Variants in PKN2 observed in about 807,000 individuals in gnomAD.
PKN2 encodes protein kinase N2.
Under a neutral mutation model 119.1 loss-of-function variants are expected in PKN2, and 38 were observed. The observed-to-expected ratio is 0.32, with a 90% CI of 0.25 to 0.42. The LOEUF (loss-of-function observed/expected upper bound fraction) is 0.42, where lower values mean the gene tolerates loss of function less well. Among genes scored for constraint, PKN2 ranks in the 10% least tolerant of loss-of-function variants. PKN2 has a pLI of 1.00. For missense variants in PKN2, 850 were observed against 1,165.1 expected (o/e 0.73, Z 3.94); for synonymous variants, 390 against 384.9 (o/e 1.01, Z -0.15).
intron 1 of PKN2, among the ~76,000 whole-genome samples, chr1:88,709,568 A>C (rs989411008): frequency 6.6e-6 from 1 of 152,216 alleles, no homozygotes; most frequent in Non-Finnish European, 1.5e-5. Flanking sequence ...AGGATTCAAA[A>C]TGGACATAAT....
rs1570529490 is a variant in PKN2, at chr1:88,720,984, T to C, written c.49-20004T>C. 2.0e-5 allele frequency among the ~76,000 whole-genome samples: 3 copies of C among 152,326 alleles called. No individual in the cohort carries two copies. The South Asian group carries it at 6.2e-4, about 32-fold the overall frequency. Reference sequence around the variant, plus strand: ...TGTTCCTTTTTATGGCTTAGTATCATATACACACACACACCATATTTTCTT... The same window carrying C: ...TGTTCCTTTTTATGGCTTAGTATCACATACACACACACACCATATTTTCTT... On this transcript the variant is annotated intron_variant, in intron 1 of 21. Transcript: ENST00000370521.
intron 1 of PKN2, among the ~76,000 whole-genome samples, chr1:88,710,691 A>G (rs748721004): frequency 6.6e-6 from 1 of 152,228 alleles, no homozygotes; most frequent in Non-Finnish European, 1.5e-5. Flanking sequence ...ATGCTTATAC[A>G]CTGTTGGTGG....
intron 1 of PKN2, among the ~76,000 whole-genome samples, chr1:88,714,479 C>T (rs1225726488): frequency 6.6e-6 from 1 of 152,064 alleles, no homozygotes; most frequent in South Asian, 2.1e-4. Flanking sequence ...TTGTAGTTCT[C>T]CTTGAAGAGG....
intron 16 of PKN2, among the ~76,000 whole-genome samples, chr1:88,816,297 A>C (rs1015483943): frequency 2.0e-5 from 3 of 152,058 alleles, no homozygotes; most frequent in Non-Finnish European, 4.4e-5. Context: ...CCCAGGCTGG[A>C]GTGCAGTGGC....
intron 6 of PKN2, among the ~76,000 whole-genome samples, chr1:88,776,742 GAAA>G (rs370217141): frequency 7.0e-6 from 1 of 141,906 alleles, no homozygotes; most frequent in African/African-American, 2.6e-5. Context: ...TCTGTCTTAA[GAAA>G]AAAAAAAAAA....
At chr1:88,787,523 C>G (rs552764510) in intron 8 of PKN2, among the ~76,000 whole-genome samples, 1 of 152,102 alleles carries the variant, frequency 6.6e-6, no homozygotes, top group Non-Finnish European at 1.5e-5. Flanking sequence ...AATGGATGCT[C>G]TTTTTCTCTC....
intron 11 of PKN2, 71 bp from the exon 12 acceptor site, chr1:88,805,820 T>G: frequency 6.2e-7 from 1 of 1,608,706 alleles, no homozygotes; most frequent in South Asian, 1.1e-5. Flanking sequence ...AATTGTTTGC[T>G]TTAATTTTAA....
At chr1:88,732,420 T>C (rs1668175470) in intron 1 of PKN2, among the ~76,000 whole-genome samples, 1 of 152,202 alleles carries the variant, frequency 6.6e-6, no homozygotes, top group Non-Finnish European at 1.5e-5. Flanking sequence ...CACAGCAGTA[T>C]ATCAGCTGCA....
At position 88,768,657 on chromosome 1, in the gene PKN2, G is replaced by A. The variant is rs567662960; in HGVS notation, c.505-1695G>A. On this transcript the variant is annotated intron_variant, in intron 3 of 21. Coordinates refer to ENST00000370521, the MANE Select transcript of PKN2 (RefSeq NM_006256.4). ...TTACCAACAAGATTCTGAGGCTTAA[G>A]ACATTGACATCTTCGAGTAGGTCAT... Among the ~76,000 whole-genome samples the A allele has an allele frequency of 3.9e-5, 6 of 152,294 alleles. No homozygotes were observed. The South Asian group carries it at 1.2e-3, about 32-fold the overall frequency.
chr1:88,741,489 T>C (rs1668578439), intron 2 of PKN2, among the ~76,000 whole-genome samples: 1 of 152,114 alleles, frequency 6.6e-6, no homozygotes, highest in African/African-American at 2.4e-5. Flanking sequence ...AATGTTTACT[T>C]AGAATTTAAT....
At chr1:88,717,085 T>C (rs1325550447) in intron 1 of PKN2, among the ~76,000 whole-genome samples, 1 of 152,176 alleles carries the variant, frequency 6.6e-6, no homozygotes, top group Non-Finnish European at 1.5e-5. Flanking sequence ...AAATTCTGGG[T>C]TGAAAATTCT....
At chr1:88,825,383 T>C (rs1347290955) in intron 18 of PKN2, among the ~76,000 whole-genome samples, 2 of 152,188 alleles carry the variant, frequency 1.3e-5, no homozygotes, top group Non-Finnish European at 2.9e-5. Flanking sequence ...CAAAGATATA[T>C]ATTCAACTGT....
intron 4 of PKN2, 108 bp downstream of exon 4, chr1:88,770,577 C>CTT (rs775781394): frequency 2.8e-3 from 1,269 of 451,950 alleles, no homozygotes; most frequent in Middle Eastern, 3.2e-3. Flanking sequence ...ATTACTATTA[C>CTT]TTTTTTTTTT....
At chr1:88,776,459 A>G (rs1007459218) in intron 6 of PKN2, among the ~76,000 whole-genome samples, 4 of 151,284 alleles carry the variant, frequency 2.6e-5, no homozygotes, top group African/African-American at 4.9e-5. Flanking sequence ...AAAATGTCCA[A>G]CTAGGCACAG....
At chr1:88,693,701 AC>A (rs1280228644) in intron 1 of PKN2, among the ~76,000 whole-genome samples, 1 of 152,134 alleles carries the variant, frequency 6.6e-6, no homozygotes, top group Non-Finnish European at 1.5e-5. Context: ...GCATAGTGAG[AC>A]CCTGTCTCAA....
chr1:88,826,385 G>A (rs139674424), intron 18 of PKN2, among the ~76,000 whole-genome samples: 11 of 151,986 alleles, frequency 7.2e-5, no homozygotes, highest in African/African-American at 2.2e-4. Flanking sequence ...TATAACAATC[G>A]TATGAAGGTA....
Position 88,804,936 on chromosome 1 carries a change from T to C in PKN2, c.1501+15T>C, listed in dbSNP as rs759167107. 2.9e-5 allele frequency: 34 copies of C among 1,163,084 alleles called. No individual in the cohort carries two copies. The African/African-American group carries it at 5.1e-4, about 17-fold the overall frequency. The allele number at this position is 1,163,084 out of a possible 1,614,324, so 72.0% of individuals were successfully genotyped here. On this transcript the variant is annotated intron_variant, in intron 10 of 21. Transcript: ENST00000370521. ...AAAGCAACAAGGTAATTACTAACAA[T>C]CAAATGCATAGCATTTTGATATTTT...
intron 1 of PKN2, among the ~76,000 whole-genome samples, chr1:88,689,521 A>C (rs1373074235): frequency 6.6e-6 from 1 of 152,098 alleles, no homozygotes; most frequent in Non-Finnish European, 1.5e-5. Flanking sequence ...ATTAAGAAGA[A>C]AAGTGCAGGC....
At chr1:88,722,198 A>G (rs1667707781) in intron 1 of PKN2, among the ~76,000 whole-genome samples, 1 of 152,008 alleles carries the variant, frequency 6.6e-6, no homozygotes, top group Admixed American at 6.5e-5. Context: ...AGACAGGGAA[A>G]TTAGTCTGTT....
Sources: allele counts gnomAD v4.1 joint callset (sites outside exome capture counted in the v4.1 genomes callset), GRCh38; gene constraint gnomAD v4.1.1; transcripts MANE v1.5; gene names NCBI Gene and HGNC (gene_info 2026-07-23, HGNC 2026-07-21).